ZC3H3: variants seen among roughly 807,000 people sequenced by gnomAD.
The protein encoded by ZC3H3 is zinc finger CCCH domain-containing protein 3.
A neutral mutation model predicts 77.3 loss-of-function variants in ZC3H3; 36 were observed. The ratio of observed to expected loss-of-function variants is 0.47; its 90% confidence interval spans 0.36 to 0.61. ZC3H3 has a LOEUF of 0.61. Ranked by LOEUF, ZC3H3 falls within the 20% of genes least tolerant of loss-of-function variation. ZC3H3 has a pLI of 0.00. For missense variants in ZC3H3, 1,331 were observed against 1,312.2 expected (o/e 1.01, Z -0.22); for synonymous variants, 626 against 555.2 (o/e 1.13, Z -1.79).
chr8:143,472,543 C>G (rs1439482003), intron 5 of ZC3H3, among the ~76,000 whole-genome samples: 2 of 152,228 alleles, frequency 1.3e-5, no homozygotes, highest in East Asian at 3.9e-4. Context: ...CTCCCCAAAG[C>G]TCAGACCCTG....
In ZC3H3 at chr8:143,539,123, C is replaced by G; in HGVS notation, c.244G>C (p.Gly82Arg). 6.2e-7 allele frequency: 1 copy of G among 1,612,978 alleles called. No individual in the cohort carries two copies. Among genetic ancestry groups the G allele is most frequent in the Non-Finnish European group, 8.5e-7 (1 of 1,180,014 alleles). Residue 82 changes from glycine to arginine, a missense_variant, in exon 2 of 12, where the codon GGA (glycine) becomes CGA (arginine). This residue lies in a region of ZC3H3 where 978 missense variants were observed against 915.5 expected (regional missense o/e 1.07). Transcript: ENST00000262577. ...KKYSLVNRPPGPSDPPADHAV... is the reference protein window; with the variant it reads ...KKYSLVNRPPRPSDPPADHAV... ...TGGTCGGCAGGAGGGTCTGAGGGTC[C>G]CGGGGGCCGATTCACGAGGGAGTAT...
chr8:143,449,465 T>C (rs1202447885), intron 9 of ZC3H3, among the ~76,000 whole-genome samples: 1 of 152,240 alleles, frequency 6.6e-6, no homozygotes, highest in East Asian at 1.9e-4. Flanking sequence ...CTCATGCCTG[T>C]AATCCCAGCA....
chr8:143,498,189 C>T (rs1821409749), intron 4 of ZC3H3, among the ~76,000 whole-genome samples: 1 of 152,192 alleles, frequency 6.6e-6, no homozygotes, highest in East Asian at 1.9e-4. Context: ...GGTCAAGAAG[C>T]CAGACCTCAG....
intron 4 of ZC3H3, among the ~76,000 whole-genome samples, chr8:143,478,558 AGAGTG>A (rs1563850597): frequency 6.6e-6 from 1 of 152,208 alleles, no homozygotes; most frequent in African/African-American, 2.4e-5. Flanking sequence ...GACCCAGGCT[AGAGTG>A]CAATGGTGCG....
chr8:143,526,088 G>A (rs920734799), intron 3 of ZC3H3, among the ~76,000 whole-genome samples: 4 of 152,236 alleles, frequency 2.6e-5, no homozygotes, highest in South Asian at 2.1e-4. Flanking sequence ...CAAAACCCAC[G>A]CTAGGATGCA....
chr8:143,523,394 T>C (rs1822312952), intron 3 of ZC3H3: 1 of 985,316 alleles, frequency 1.0e-6, no homozygotes, highest in Non-Finnish European at 1.2e-6. Context: ...GCGACGCCCC[T>C]GCAGTTCATG....
At chr8:143,484,327 G>A (rs1820991061) in intron 4 of ZC3H3, among the ~76,000 whole-genome samples, 1 of 152,210 alleles carries the variant, frequency 6.6e-6, no homozygotes, top group African/African-American at 2.4e-5. Context: ...GTGGCAGGGG[G>A]CAATACTAAT....
chr8:143,509,903 G>A (rs1163649138), intron 3 of ZC3H3, among the ~76,000 whole-genome samples: 3 of 152,150 alleles, frequency 2.0e-5, no homozygotes, highest in Non-Finnish European at 4.4e-5. Context: ...TCTAACCTTG[G>A]GAACCAGAGC....
intron 5 of ZC3H3, among the ~76,000 whole-genome samples, chr8:143,472,155 C>T (rs1313136121): frequency 6.6e-6 from 1 of 152,268 alleles, no homozygotes; most frequent in Non-Finnish European, 1.5e-5. Flanking sequence ...CCTCTGTGCG[C>T]CAGACCCTCC....
chr8:143,518,000 C>T (rs1218079573), intron 3 of ZC3H3, among the ~76,000 whole-genome samples: 3 of 152,002 alleles, frequency 2.0e-5, no homozygotes, highest in African/African-American at 4.8e-5. Context: ...CTGGCCACCA[C>T]GTCTCAGGGT....
At chr8:143,483,654 G>A (rs1586911369) in intron 4 of ZC3H3, among the ~76,000 whole-genome samples, 1 of 152,216 alleles carries the variant, frequency 6.6e-6, no homozygotes, top group Non-Finnish European at 1.5e-5. Context: ...TCAAGGGCCT[G>A]TGGCTGCCAG....
At chr8:143,467,518 G>A (rs1216151724) in intron 8 of ZC3H3, among the ~76,000 whole-genome samples, 1 of 152,218 alleles carries the variant, frequency 6.6e-6, no homozygotes, top group Non-Finnish European at 1.5e-5. Flanking sequence ...AAGGGGAAAA[G>A]CTGTTGCGGC....
chr8:143,447,828 C>G (rs553774923), intron 9 of ZC3H3, among the ~76,000 whole-genome samples: 10 of 152,280 alleles, frequency 6.6e-5, no homozygotes, highest in African/African-American at 2.4e-4. Context: ...GGATGGTGCT[C>G]AGCCATTAGT....
intron 3 of ZC3H3, among the ~76,000 whole-genome samples, chr8:143,531,244 C>A (rs1822596124): frequency 6.6e-6 from 1 of 152,206 alleles, no homozygotes; most frequent in Admixed American, 6.5e-5. Flanking sequence ...CAGGCATGAG[C>A]CTCGGCACCC....
At chr8:143,506,942 T>C (rs1046815281) in intron 4 of ZC3H3, among the ~76,000 whole-genome samples, 2 of 152,182 alleles carry the variant, frequency 1.3e-5, no homozygotes, top group East Asian at 1.9e-4. Context: ...CTGCCCACCA[T>C]CTCTGGCCCA....
intron 4 of ZC3H3, among the ~76,000 whole-genome samples, chr8:143,504,167 C>G (rs970621869): frequency 6.6e-6 from 1 of 152,216 alleles, no homozygotes; most frequent in Non-Finnish European, 1.5e-5. Flanking sequence ...CAGGGCAGAG[C>G]TAGGGCCAAT....
intron 9 of ZC3H3, among the ~76,000 whole-genome samples, chr8:143,461,641 G>A (rs1004491032): frequency 3.9e-5 from 6 of 152,230 alleles, no homozygotes; most frequent in Non-Finnish European, 8.8e-5. Context: ...CCTCTGCAGC[G>A]GCTTGACTCT....
intron 5 of ZC3H3, among the ~76,000 whole-genome samples, chr8:143,472,134 G>A (rs1025642279): frequency 7.2e-5 from 11 of 152,258 alleles, no homozygotes; most frequent in Non-Finnish European, 1.3e-4. Flanking sequence ...GCCTGCCCTG[G>A]CTGGCACCAG....
At chr8:143,496,676 G>A (rs1176699735) in intron 4 of ZC3H3, among the ~76,000 whole-genome samples, 2 of 152,210 alleles carry the variant, frequency 1.3e-5, no homozygotes, top group African/African-American at 4.8e-5. Context: ...ACAGAAGTCC[G>A]GTAAGAAACA....
Sources: gnomAD v4.1 joint callset for allele counts (sites outside exome capture counted in the v4.1 genomes callset) on GRCh38, gnomAD v4.1.1 for gene constraint, gnomAD v4.1.1 regional missense constraint, MANE v1.5 for transcripts, NCBI Gene and HGNC (gene_info 2026-07-23, HGNC 2026-07-21) for gene names.